CDH13: variants seen among roughly 807,000 people sequenced by gnomAD.
CDH13 encodes cadherin 13, also known as cadherin-13.
Under a neutral mutation model 63.8 loss-of-function variants are expected in CDH13, and 24 were observed. The observed-to-expected ratio is 0.38, with a 90% CI of 0.27 to 0.53. The LOEUF is 0.53. Ranked by LOEUF, CDH13 falls within the 20% of genes least tolerant of loss-of-function variation. CDH13 has a pLI of 0.85. For missense variants in CDH13, 1,049 were observed against 903.1 expected (o/e 1.16, Z -2.07); for synonymous variants, 503 against 355.3 (o/e 1.42, Z -4.67).
chr16:83,409,222 C>T (rs112916587), intron 6 of CDH13, among the ~76,000 whole-genome samples: 165 of 148,258 alleles, frequency 1.1e-3, no homozygotes, highest in African/African-American at 3.6e-3. Flanking sequence ...AGTGTAAAAA[C>T]GCATAAGCTT....
chr16:82,760,965 A>ATT (rs2034815581), intron 1 of CDH13, among the ~76,000 whole-genome samples: 1 of 146,658 alleles, frequency 6.8e-6, no homozygotes, highest in Admixed American at 6.9e-5. Context: ...CATAAGCCAA[A>ATT]TATCTCCCAC....
chr16:82,920,739 G>A (rs1321547661), intron 2 of CDH13, among the ~76,000 whole-genome samples: 1 of 152,090 alleles, frequency 6.6e-6, no homozygotes, highest in Non-Finnish European at 1.5e-5. Context: ...GATTTCACTA[G>A]TTAGAGCCTT....
chr16:83,195,392 C>T (rs1041486806), intron 4 of CDH13, among the ~76,000 whole-genome samples: 8 of 152,082 alleles, frequency 5.3e-5, no homozygotes, highest in African/African-American at 1.9e-4. Context: ...GTCCAGGAAG[C>T]AGAGTAAGCA....
At chr16:83,339,862 G>C (rs952830026) in intron 5 of CDH13, among the ~76,000 whole-genome samples, 5 of 152,132 alleles carry the variant, frequency 3.3e-5, no homozygotes, top group Non-Finnish European at 7.4e-5. Flanking sequence ...AATTCCTAAA[G>C]AATCTGATTT....
intron 3 of CDH13, among the ~76,000 whole-genome samples, chr16:83,113,945 C>T (rs1023630618): frequency 1.3e-5 from 2 of 152,006 alleles, no homozygotes; most frequent in Admixed American, 6.5e-5. Flanking sequence ...GCCTATATAC[C>T]CTGTAGGCTT....
intron 2 of CDH13, among the ~76,000 whole-genome samples, chr16:83,007,623 A>G (rs117138554): frequency 0.12 from 18,937 of 152,094 alleles, 1,247 homozygotes; most frequent in Non-Finnish European, 0.14. Flanking sequence ...TGAGTCCAGG[A>G]GTTTGAGACC....
At chr16:83,323,113 C>G (rs2090267349) in intron 5 of CDH13, among the ~76,000 whole-genome samples, 1 of 151,982 alleles carries the variant, frequency 6.6e-6, no homozygotes, top group Non-Finnish European at 1.5e-5. Context: ...TCAGCTACAC[C>G]TGTGGCAGAT....
chr16:82,857,587 G>T (rs551306738), intron 1 of CDH13, among the ~76,000 whole-genome samples: 19 of 152,312 alleles, frequency 1.2e-4, no homozygotes, highest in Non-Finnish European at 1.6e-4. Flanking sequence ...GCTGGATGAA[G>T]TGTCTTAAGC....
intron 4 of CDH13, among the ~76,000 whole-genome samples, chr16:83,160,240 C>T (rs1376164663): frequency 2.0e-5 from 3 of 151,958 alleles, no homozygotes; most frequent in Non-Finnish European, 4.4e-5. Context: ...AAATGTACCA[C>T]TCTGGTGGGG....
At chr16:83,016,822 GTA>G (rs947092074) in intron 2 of CDH13, among the ~76,000 whole-genome samples, 1 of 148,310 alleles carries the variant, frequency 6.7e-6, no homozygotes, top group Admixed American at 6.8e-5. Context: ...GGATCTTTTT[GTA>G]CAAAAGATGC....
chr16:83,134,497 C>A (rs1195856837), intron 4 of CDH13, among the ~76,000 whole-genome samples: 2 of 138,400 alleles, frequency 1.4e-5, no homozygotes, highest in South Asian at 2.3e-4. Context: ...GCCAGTAGAT[C>A]TTGATAGATT....
chr16:83,522,979 T>G (rs1172227261), intron 7 of CDH13, among the ~76,000 whole-genome samples: 1 of 152,204 alleles, frequency 6.6e-6, no homozygotes, highest in Non-Finnish European at 1.5e-5. Context: ...TGCCTAGAAC[T>G]TTCTTCCTTT....
At chr16:83,236,237 G>GCACACACA (rs3049880) in intron 5 of CDH13, among the ~76,000 whole-genome samples, 76,034 of 148,702 alleles carry the variant, frequency 0.51, 20,334 homozygotes, top group East Asian at 0.81. Context: ...ACACGCACAT[G>GCACACACA]CACACACACA....
At chr16:83,390,456 C>CTTTT (rs113553312) in intron 6 of CDH13, among the ~76,000 whole-genome samples, 4 of 149,090 alleles carry the variant, frequency 2.7e-5, no homozygotes, top group African/African-American at 4.9e-5. Context: ...TTTACAAATA[C>CTTTT]TTTTTTTTTT....
intron 2 of CDH13, chr16:82,858,727 G>T: frequency 1.7e-6 from 1 of 588,872 alleles, no homozygotes; most frequent in Non-Finnish European, 3.0e-6. Context: ...AGAAAAGGGG[G>T]CTGTCAGCCT....
chr16:83,335,816 T>C (rs1227780533), intron 5 of CDH13, among the ~76,000 whole-genome samples: 2 of 152,080 alleles, frequency 1.3e-5, no homozygotes, highest in Admixed American at 6.5e-5. Context: ...ATCACGACCC[T>C]CTCACGTGCA....
intron 6 of CDH13, among the ~76,000 whole-genome samples, chr16:83,466,869 A>C (rs1268457153): frequency 6.6e-6 from 1 of 152,170 alleles, no homozygotes; most frequent in African/African-American, 2.4e-5. Flanking sequence ...TTTAAATCTA[A>C]AAAGAAGATT....
chr16:83,031,374 GTATACACGTATATGTATATACA>G (rs1353214064), intron 2 of CDH13, among the ~76,000 whole-genome samples: 1 of 69,196 alleles, frequency 1.4e-5, no homozygotes, highest in African/African-American at 7.2e-5. Flanking sequence ...ACATGTATAT[GTATACACGTATATGTATATACA>G]TATACATGTA....
chr16:83,789,589 T>C (rs1211319463), intron 13 of CDH13, among the ~76,000 whole-genome samples: 3 of 152,060 alleles, frequency 2.0e-5, no homozygotes, highest in Non-Finnish European at 4.4e-5. Context: ...CCTCAAGTGA[T>C]CCACCCACCT....
Sources: allele counts gnomAD v4.1 joint callset (sites outside exome capture counted in the v4.1 genomes callset), GRCh38; gene constraint gnomAD v4.1.1; transcripts MANE v1.5; gene names NCBI Gene and HGNC (gene_info 2026-07-23, HGNC 2026-07-21).